Variants in LITAF observed in about 807,000 individuals in gnomAD.
LITAF encodes lipopolysaccharide-induced tumor necrosis factor-alpha factor.
Under a neutral mutation model 14.5 loss-of-function variants are expected in LITAF, and 9 were observed. The observed-to-expected ratio is 0.62, with a 90% confidence interval of 0.37 to 1.08. LITAF has a LOEUF of 1.08. Among genes scored for constraint, LITAF ranks in the 50% least tolerant of loss-of-function variants. The pLI, the probability that LITAF is intolerant of heterozygous loss-of-function variation, is 0.01. For synonymous variants in LITAF, 98 were observed against 88.2 expected (o/e 1.11, Z -0.62); for missense variants, 206 against 213.4 (o/e 0.97, Z 0.22).
intron 1 of LITAF, chr16:11,561,080 T>A (rs1307717935): frequency 1.3e-5 from 2 of 152,202 alleles, no homozygotes; most frequent in African/African-American, 4.8e-5. Flanking sequence ...CGTCGAGGAC[T>A]CGCCGTCACA....
At chr16:11,619,218 G>A (rs577184850) in intron 3 of LITAF, among the ~76,000 whole-genome samples, 1 of 152,068 alleles carries the variant, frequency 6.6e-6, no homozygotes, top group African/African-American at 2.4e-5. Flanking sequence ...TGCTGAGGGA[G>A]GAGAGTCGTT....
chr16:11,556,650 C>G lies in LITAF; in HGVS notation c.81G>C (p.Val27=). Residue 27 remains valine, a synonymous_variant, in exon 2 of 4, where the codon GTG becomes GTC. Coordinates refer to ENST00000622633, the MANE Select transcript of LITAF (RefSeq NM_001136472.2). The part of the protein sequence containing the change: ...PSAPPSYEET[V]AVNSYYPTPP... ...GTGTGGGGTAATAACTGTTAACAGC[C>G]ACTGTCTCTTCATAGGATGGAGGTG... 3 of 1,614,188 alleles carry G rather than the reference C, an allele frequency of 1.9e-6. No individual in the cohort carries two copies. The highest frequency in any genetic ancestry group is 2.5e-6 in the Non-Finnish European group (3 of 1,180,042).
At chr16:11,574,776 A>G (rs950226636) in intron 1 of LITAF, among the ~76,000 whole-genome samples, 1 of 146,374 alleles carries the variant, frequency 6.8e-6, no homozygotes, top group Non-Finnish European at 1.5e-5. Flanking sequence ...ATTTGCACTA[A>G]CAACATCCTA....
chr16:11,562,517 A>G (rs2064385890), intron 1 of LITAF, among the ~76,000 whole-genome samples: 1 of 152,118 alleles, frequency 6.6e-6, no homozygotes, highest in African/African-American at 2.4e-5. Context: ...TCACTTTCAC[A>G]TCTATAAATA....
At chr16:11,575,270 T>C (rs1176160658) in intron 1 of LITAF, 3 of 152,010 alleles carry the variant, frequency 2.0e-5, no homozygotes, top group Non-Finnish European at 4.4e-5. Context: ...GGGAGAGATA[T>C]GAAGGGGAGA....
At chr16:11,594,061 C>G (rs2064866056) in intron 1 of LITAF, among the ~76,000 whole-genome samples, 2 of 151,894 alleles carry the variant, frequency 1.3e-5, no homozygotes, top group Admixed American at 1.3e-4. Flanking sequence ...TGGCGCACAG[C>G]TATAGTCCCA....
At chr16:11,624,293 A>G (rs1479576721) in intron 3 of LITAF, among the ~76,000 whole-genome samples, 1 of 152,158 alleles carries the variant, frequency 6.6e-6, no homozygotes, top group Non-Finnish European at 1.5e-5. Flanking sequence ...TGGAAAGAGA[A>G]TATTTTCCAA....
rs752383184 is a variant in LITAF at position 11,549,793 on chromosome 16, G to T, written c.378-48C>A. On this transcript the variant is annotated intron_variant, in intron 3 of 3. Transcript: ENST00000622633. The surrounding 1 kb of genome is among the most constrained non-coding windows in gnomAD (Gnocchi z 4.6). ...GGAGCGCGTTACTGATCACAACAGGGTGAACACTGGCTGCCAAAACCATGT... is the reference window on the plus strand; with the variant it reads ...GGAGCGCGTTACTGATCACAACAGGTTGAACACTGGCTGCCAAAACCATGT... The T allele has an allele frequency of 4.2e-6, 6 of 1,437,200 alleles. No homozygotes were observed. Among genetic ancestry groups the T allele is most frequent in the Non-Finnish European group, 4.8e-6 (5 of 1,031,872 alleles). 89.0% of individuals were successfully genotyped at this position (1,437,200 alleles called of 1,614,324 possible). A position where few individuals can be genotyped will look rare whatever the true frequency, so the allele number is the denominator to read the frequency against.
rs1011001982 is a variant in LITAF, at chr16:11,579,569, C to T, written c.-6+7317G>A. Among the ~76,000 whole-genome samples the T allele has an allele frequency of 4.0e-5, 6 of 150,902 alleles. 1 individual carries two copies. The highest frequency in any genetic ancestry group is 8.9e-5 in the Non-Finnish European group (6 of 67,694). ...TAGTACCCTAGGTTAGGACCCTGGC[C>T]CAGAAAAAAAGGACATCAGTGGGAG... On this transcript the variant is annotated intron_variant, in intron 1 of 3. Transcript: ENST00000622633.
intron 3 of LITAF, among the ~76,000 whole-genome samples, chr16:11,550,370 G>A (rs143648003): frequency 0.013 from 1,929 of 152,276 alleles, 31 homozygotes; most frequent in African/African-American, 0.042. Context: ...GATTACAGGC[G>A]AGAGCCACCA....
upstream of LITAF, among the ~76,000 whole-genome samples, chr16:11,590,823 C>G (rs1198786187): frequency 8.5e-6 from 1 of 117,404 alleles, no homozygotes; most frequent in Admixed American, 8.3e-5. Flanking sequence ...AACTCTGCCT[C>G]CTGGTTTCAA....
intron 1 of LITAF, among the ~76,000 whole-genome samples, chr16:11,574,195 C>A (rs146128670): frequency 0.019 from 2,926 of 152,112 alleles, 91 homozygotes; most frequent in African/African-American, 0.067. Flanking sequence ...GTGTGCACCA[C>A]CACACCTAGC....
At chr16:11,633,089 T>G (rs1416457837) in intron 3 of LITAF, among the ~76,000 whole-genome samples, 1 of 152,132 alleles carries the variant, frequency 6.6e-6, no homozygotes, top group East Asian at 1.9e-4. Context: ...TACACATAAG[T>G]GCATCCCCCA....
At chr16:11,587,369 G>A (rs930324839), upstream of LITAF, 1 of 453,138 alleles carries the variant, frequency 2.2e-6, no homozygotes. Context: ...GGGCGCTCCC[G>A]GCCCTCTGGA....
rs374153001 is a variant in LITAF at position 11,616,005 on chromosome 16, G to A, written c.85+17528C>T. On this transcript the variant is annotated intron_variant, in intron 3 of 3. Coordinates refer to the LITAF transcript ENST00000574848. ...ATTTAATCAATTATGCCTACGTCAC[G>A]AAACCTTGATAAGAACCACTAGATA... is the stretch of plus-strand genomic sequence containing the variant. 1.8e-4 allele frequency among the ~76,000 whole-genome samples: 27 copies of A among 152,234 alleles called. No individual in the cohort carries two copies. In the Middle Eastern group the frequency reaches 0.014, roughly 77 times the overall value.
chr16:11,615,879 G>A (rs770673420), intron 3 of LITAF, among the ~76,000 whole-genome samples: 93 of 152,240 alleles, frequency 6.1e-4, no homozygotes, highest in Admixed American at 2.0e-3. Context: ...TACCTAGATA[G>A]CTTTGGAATG....
intron 3 of LITAF, among the ~76,000 whole-genome samples, chr16:11,550,983 T>C (rs2064173599): frequency 1.3e-5 from 2 of 152,192 alleles, no homozygotes; most frequent in South Asian, 2.1e-4. Flanking sequence ...CTCTTTTCCA[T>C]ATAGACAGGC....
At chr16:11,623,884 T>C (rs1338838340) in intron 3 of LITAF, among the ~76,000 whole-genome samples, 1 of 152,032 alleles carries the variant, frequency 6.6e-6, no homozygotes. Flanking sequence ...GGAGAATCTC[T>C]TGAGCCCGGG....
intron 3 of LITAF, among the ~76,000 whole-genome samples, chr16:11,608,730 A>C (rs2064967137): frequency 6.6e-6 from 1 of 152,198 alleles, no homozygotes; most frequent in Non-Finnish European, 1.5e-5. Context: ...TGGGAGGCCG[A>C]GGCAGGTGGA....
Sources: gnomAD v4.1 joint callset for allele counts (sites outside exome capture counted in the v4.1 genomes callset) on GRCh38, gnomAD v4.1.1 for gene constraint, Gnocchi (gnomAD v3.1) non-coding constraint, MANE v1.5 for transcripts, NCBI Gene and HGNC (gene_info 2026-07-23, HGNC 2026-07-21) for gene names.